The following SPON1 variants were observed in gnomAD, a reference collection of about 807,000 sequenced individuals.
SPON1 encodes spondin-1.
A neutral mutation model predicts 111.7 loss-of-function variants in SPON1; 52 were observed. That is an observed-to-expected ratio of 0.47 (90% CI 0.37 to 0.59). SPON1 has a LOEUF of 0.59. Among genes scored for constraint, SPON1 ranks in the 20% least tolerant of loss-of-function variants. The pLI, the probability that SPON1 is intolerant of heterozygous loss-of-function variation, is 0.00. For missense variants in SPON1, 957 were observed against 1,068.5 expected (o/e 0.90, Z 1.46); for synonymous variants, 410 against 395.8 (o/e 1.04, Z -0.43).
intron 3 of SPON1, among the ~76,000 whole-genome samples, chr11:14,060,121 G>C (rs1179475910): frequency 6.6e-6 from 1 of 152,174 alleles, no homozygotes; most frequent in Non-Finnish European, 1.5e-5. Context: ...ACTTTTGCTA[G>C]GTCAACATCA....
intron 5 of SPON1, among the ~76,000 whole-genome samples, chr11:14,126,444 A>G (rs899483086): frequency 6.6e-6 from 1 of 152,270 alleles, no homozygotes; most frequent in South Asian, 2.1e-4. Context: ...CTACACATAT[A>G]CTCAAAATTA....
intron 1 of SPON1, among the ~76,000 whole-genome samples, chr11:13,978,917 T>G (rs1554909284): frequency 6.6e-6 from 1 of 152,214 alleles, no homozygotes; most frequent in African/African-American, 2.4e-5. Context: ...GAGGGCTTCT[T>G]GGTCTGCGGA....
intron 6 of SPON1, among the ~76,000 whole-genome samples, chr11:14,174,435 C>A (rs1220321885): frequency 6.6e-6 from 1 of 152,184 alleles, no homozygotes; most frequent in Non-Finnish European, 1.5e-5. Context: ...TTGATACCCC[C>A]AAAACTCAAA....
intron 2 of SPON1, among the ~76,000 whole-genome samples, chr11:14,017,536 T>A (rs1459662921): frequency 1.3e-5 from 2 of 152,198 alleles, no homozygotes; most frequent in South Asian, 2.1e-4. Context: ...TTCATATTCA[T>A]CCTGTCATTT....
At chr11:14,258,219 G>C (rs1232518146) in intron 11 of SPON1, among the ~76,000 whole-genome samples, 1 of 152,094 alleles carries the variant, frequency 6.6e-6, no homozygotes, top group African/African-American at 2.4e-5. Context: ...TCTTCTTAAG[G>C]AGCCTGTTAA....
intron 6 of SPON1, among the ~76,000 whole-genome samples, chr11:14,166,446 A>G (rs1327220509): frequency 6.6e-6 from 1 of 152,206 alleles, no homozygotes; most frequent in East Asian, 1.9e-4. Context: ...AGGTTTAGCA[A>G]TGTTTAACAC....
At chr11:14,091,644 G>T (rs891488480) in intron 5 of SPON1, among the ~76,000 whole-genome samples, 3 of 152,266 alleles carry the variant, frequency 2.0e-5, no homozygotes, top group Non-Finnish European at 4.4e-5. Context: ...CCAAGCCCAC[G>T]CCCACCCAGA....
chr11:14,201,465 C>G (rs1437113062), intron 6 of SPON1, among the ~76,000 whole-genome samples: 1 of 151,642 alleles, frequency 6.6e-6, no homozygotes, highest in African/African-American at 2.4e-5. Flanking sequence ...GTGGCACAGT[C>G]TCAGCTCAGT....
chr11:14,040,388 A>G (rs1848623277), intron 2 of SPON1, among the ~76,000 whole-genome samples: 1 of 152,214 alleles, frequency 6.6e-6, no homozygotes, highest in Non-Finnish European at 1.5e-5. Flanking sequence ...AAGAACCATT[A>G]AAACACAAAA....
At chr11:14,110,850 T>G (rs1468107274) in intron 5 of SPON1, among the ~76,000 whole-genome samples, 1 of 152,252 alleles carries the variant, frequency 6.6e-6, no homozygotes, top group Non-Finnish European at 1.5e-5. Context: ...CTAGGCATTC[T>G]TCAATCCAGT....
chr11:14,014,325 A>G (rs964049477), intron 2 of SPON1, among the ~76,000 whole-genome samples: 39 of 152,336 alleles, frequency 2.6e-4, no homozygotes, highest in African/African-American at 9.1e-4. Context: ...CATTCCACAG[A>G]TTCAAAAATG....
At chr11:14,140,379 G>A (rs1847639562) in intron 6 of SPON1, among the ~76,000 whole-genome samples, 1 of 151,994 alleles carries the variant, frequency 6.6e-6, no homozygotes, top group African/African-American at 2.4e-5. Context: ...TAAATTGTTT[G>A]ATCATCTTCA....
chr11:14,233,742 A>G (rs1554938972), intron 6 of SPON1, among the ~76,000 whole-genome samples: 1 of 147,692 alleles, frequency 6.8e-6, no homozygotes, highest in Non-Finnish European at 1.5e-5. Flanking sequence ...AGGAGTGTCC[A>G]ACACTGTTTC....
intron 6 of SPON1, among the ~76,000 whole-genome samples, chr11:14,160,816 ATATATATTT>A (rs1564919536): frequency 2.2e-5 from 1 of 45,584 alleles, no homozygotes; most frequent in African/African-American, 8.2e-5. Flanking sequence ...ATATATTTTT[ATATATATTT>A]TATATATATT....
At chr11:14,154,049 A>G (rs1404856748) in intron 6 of SPON1, among the ~76,000 whole-genome samples, 1 of 152,140 alleles carries the variant, frequency 6.6e-6, no homozygotes, top group East Asian at 1.9e-4. Context: ...TTCTGTGGCT[A>G]TGCAGGGTAT....
chr11:14,036,467 A>T (rs1346694074), intron 2 of SPON1, among the ~76,000 whole-genome samples: 1 of 152,186 alleles, frequency 6.6e-6, no homozygotes, highest in Non-Finnish European at 1.5e-5. Context: ...GACTTGCACA[A>T]TTGGAGTAGG....
In SPON1 at chr11:14,033,350, C is replaced by T. The variant is rs11605142; in HGVS notation, c.346-8171C>T. 2.8e-3 allele frequency among the ~76,000 whole-genome samples: 425 copies of T among 152,306 alleles called. 1 individual carries two copies. Among genetic ancestry groups the T allele is most frequent in the Non-Finnish European group, 4.6e-3 (311 of 68,028 alleles). Reference sequence around the variant, plus strand: ...CTCCTAGATGTCTCACTGCCATGGCCCACCCACGTGTTAGAACGCTTGCAA... The same window carrying T: ...CTCCTAGATGTCTCACTGCCATGGCTCACCCACGTGTTAGAACGCTTGCAA... On this transcript the variant is annotated intron_variant, in intron 2 of 15. Coordinates refer to ENST00000576479, the MANE Select transcript of SPON1 (RefSeq NM_006108.4).
At chr11:14,122,363 C>T (rs1847400360) in intron 5 of SPON1, among the ~76,000 whole-genome samples, 1 of 152,122 alleles carries the variant, frequency 6.6e-6, no homozygotes, top group African/African-American at 2.4e-5. Flanking sequence ...TTAGTAGAGA[C>T]AGGGTTTCAC....
chr11:14,204,862 A>AT (rs1334569809), intron 6 of SPON1, among the ~76,000 whole-genome samples: 1 of 150,690 alleles, frequency 6.6e-6, no homozygotes, highest in East Asian at 2.0e-4. Flanking sequence ...TTTTTTTTGT[A>AT]TTTTTTAGTA....
Sources: gnomAD v4.1 joint callset for allele counts (sites outside exome capture counted in the v4.1 genomes callset) on GRCh38, gnomAD v4.1.1 for gene constraint, MANE v1.5 for transcripts, NCBI Gene and HGNC (gene_info 2026-07-23, HGNC 2026-07-21) for gene names.